Variants in TMOD1 observed in about 807,000 individuals in gnomAD.
The protein encoded by TMOD1 is tropomodulin-1.
A neutral mutation model predicts 40.6 loss-of-function variants in TMOD1; 17 were observed. That is an observed-to-expected ratio of 0.42 (90% CI 0.29 to 0.63). The LOEUF is 0.63. Among genes scored for constraint, TMOD1 ranks in the 20% least tolerant of loss-of-function variants. The probability of loss-of-function intolerance (pLI) is 0.22; values close to 1 mark genes in which losing one functional copy is unlikely to be tolerated. For synonymous variants in TMOD1, 181 were observed against 175.0 expected (o/e 1.03, Z -0.27); for missense variants, 391 against 447.6 (o/e 0.87, Z 1.14).
At chr9:97,511,964 T>G (rs1829707448) in intron 1 of TMOD1, among the ~76,000 whole-genome samples, 1 of 152,226 alleles carries the variant, frequency 6.6e-6, no homozygotes, top group South Asian at 2.1e-4. Flanking sequence ...AATAAATCTA[T>G]GTCTTCTGCC....
At chr9:97,506,786 GTCT>G (rs1315624785) in intron 1 of TMOD1, among the ~76,000 whole-genome samples, 1 of 152,160 alleles carries the variant, frequency 6.6e-6, no homozygotes, top group Non-Finnish European at 1.5e-5. Context: ...TGAGAAATGA[GTCT>G]TCTTGTTTTA....
intron 1 of TMOD1, 64 bp from the exon 2 acceptor site, chr9:97,524,077 C>T: frequency 7.9e-7 from 1 of 1,264,490 alleles, no homozygotes; most frequent in South Asian, 1.5e-5. Flanking sequence ...AACGATGAGC[C>T]TCCATTTGCT....
intron 9 of TMOD1, among the ~76,000 whole-genome samples, chr9:97,594,976 G>A (rs1487694897): frequency 6.6e-6 from 1 of 152,146 alleles, no homozygotes; most frequent in East Asian, 1.9e-4. Context: ...AGAGTAACAT[G>A]TTTAAAAGCA....
intron 5 of TMOD1, 38 bp from the exon 6 acceptor site, chr9:97,564,000 G>A: frequency 5.7e-6 from 9 of 1,591,518 alleles, no homozygotes; most frequent in Non-Finnish European, 7.7e-6. Context: ...TGAGCCCCTT[G>A]TTTCTGTGAG....
At chr9:97,559,453 T>C (rs1175216183) in intron 4 of TMOD1, among the ~76,000 whole-genome samples, 2 of 150,648 alleles carry the variant, frequency 1.3e-5, no homozygotes, top group Admixed American at 1.3e-4. Flanking sequence ...AGCAACAGAA[T>C]CACCTGAGGA....
chr9:97,546,116 C>A, intron 2 of TMOD1, 69 bp from the exon 3 acceptor site: 1 of 1,517,788 alleles, frequency 6.6e-7, no homozygotes, highest in Admixed American at 2.1e-5. Context: ...AAGTCTTCAG[C>A]AGCTGACCAC....
At chr9:97,504,617 G>A (rs920103609) in intron 1 of TMOD1, among the ~76,000 whole-genome samples, 1 of 152,180 alleles carries the variant, frequency 6.6e-6, no homozygotes, top group Non-Finnish European at 1.5e-5. Flanking sequence ...GCAAAAAAAG[G>A]TAAAACGAAG....
intron 9 of TMOD1, among the ~76,000 whole-genome samples, chr9:97,598,946 A>G (rs1826182716): frequency 1.3e-5 from 2 of 152,130 alleles, no homozygotes; most frequent in Non-Finnish European, 2.9e-5. Context: ...ATCTGCAGAC[A>G]CTACAATTAA....
intron 8 of TMOD1, among the ~76,000 whole-genome samples, chr9:97,586,768 C>T (rs1168308214): frequency 2.2e-4 from 33 of 151,874 alleles, no homozygotes. Flanking sequence ...ACCCGATTTT[C>T]CAGGTGCCGT....
chr9:97,562,873 C>T, intron 5 of TMOD1, 52 bp downstream of exon 5: 1 of 1,419,958 alleles, frequency 7.0e-7, no homozygotes, highest in Non-Finnish European at 9.7e-7. Flanking sequence ...GCTTCCTCCA[C>T]TCACTGATGT....
intron 3 of TMOD1, among the ~76,000 whole-genome samples, chr9:97,550,677 G>A (rs1445455880): frequency 6.6e-6 from 1 of 152,142 alleles, no homozygotes; most frequent in South Asian, 2.1e-4. Flanking sequence ...CCTCTTTGGA[G>A]AAATGTTTAT....
At chr9:97,538,789 G>A (rs1005633422) in intron 2 of TMOD1, among the ~76,000 whole-genome samples, 61 of 151,530 alleles carry the variant, frequency 4.0e-4, no homozygotes, top group African/African-American at 1.4e-3. Context: ...GAGATCAGGA[G>A]TTTGACACCA....
intron 4 of TMOD1, among the ~76,000 whole-genome samples, chr9:97,560,150 C>T (rs894602332): frequency 1.3e-5 from 2 of 148,222 alleles, no homozygotes; most frequent in Non-Finnish European, 3.0e-5. Context: ...TTTAAAAAAT[C>T]ACCACCAAAT....
chr9:97,542,849 C>CAAA (rs35096378), intron 2 of TMOD1, among the ~76,000 whole-genome samples: 5,130 of 99,814 alleles, frequency 0.051, 102 homozygotes, highest in African/African-American at 0.061. Context: ...GACTCCATCT[C>CAAA]AAAAAAAAAA....
chr9:97,548,562 C>A (rs868843245), intron 3 of TMOD1, among the ~76,000 whole-genome samples: 1 of 152,214 alleles, frequency 6.6e-6, no homozygotes, highest in Middle Eastern at 3.4e-3. Flanking sequence ...TCCTCATGTA[C>A]CCACACCCCT....
In TMOD1 at chr9:97,592,097, C is replaced by T. The variant is rs139144263; in HGVS notation, c.1015+662C>T. Among the ~76,000 whole-genome samples the T allele has an allele frequency of 1.7e-3, 255 of 151,754 alleles. 1 individual carries two copies. Among genetic ancestry groups the T allele is most frequent in the African/African-American group, 5.9e-3 (244 of 41,328 alleles). On this transcript the variant is annotated intron_variant, in intron 9 of 9. Transcript: ENST00000259365. ...ATGAACACTTATATACCTATATGAA[C>T]AAATAGGTATATAAGTCAACTGAAT... is the stretch of plus-strand genomic sequence containing the variant.
intron 4 of TMOD1, among the ~76,000 whole-genome samples, chr9:97,558,197 CT>C (rs757069006): frequency 3.5e-4 from 54 of 152,266 alleles, no homozygotes; most frequent in South Asian, 1.0e-3. Flanking sequence ...TTTATTTCTT[CT>C]TAGCCCTGCT....
At chr9:97,599,591 T>C in intron 9 of TMOD1, 43 bp from the exon 10 acceptor site, 1 of 1,612,928 alleles carries the variant, frequency 6.2e-7, no homozygotes, top group South Asian at 1.1e-5. Context: ...GCCCCTGGTC[T>C]ACAGGGAAAA....
rs896205569 is a variant in TMOD1, at chr9:97,563,886, T to A, written c.488-152T>A. ...CCTGGCTCCCTTGCGGGGCTTCTTC[T>A]GAGTGGTGCCCCCTACCCCCACCCA... On this transcript the variant is annotated intron_variant, in intron 5 of 9. Coordinates refer to ENST00000259365, the MANE Select transcript of TMOD1 (RefSeq NM_003275.4). 5.6e-6 allele frequency: 6 copies of A among 1,069,414 alleles called. No individual in the cohort carries two copies. In the African/African-American group the frequency reaches 9.7e-5, roughly 17 times the overall value. The allele number at this position is 1,069,414 out of a possible 1,614,324, so 66.2% of individuals were successfully genotyped here. A position where few individuals can be genotyped will look rare whatever the true frequency, so the allele number is the denominator to read the frequency against.
Sources: allele counts gnomAD v4.1 joint callset (sites outside exome capture counted in the v4.1 genomes callset), GRCh38; gene constraint gnomAD v4.1.1; transcripts MANE v1.5; gene names NCBI Gene and HGNC (gene_info 2026-07-23, HGNC 2026-07-21).